LARS2: variants seen among roughly 807,000 people sequenced by gnomAD.
LARS2 encodes the protein leucine--tRNA ligase, mitochondrial.
In LARS2, 81 loss-of-function variants were observed where a neutral mutation model predicts 116.6. The observed-to-expected ratio is 0.69, with a 90% CI of 0.58 to 0.84. The LOEUF (loss-of-function observed/expected upper bound fraction) is 0.84, where lower values mean the gene tolerates loss of function less well. LARS2 is among the 40% of genes least tolerant of loss of function. The probability of loss-of-function intolerance (pLI) is 0.00; values close to 1 mark genes in which losing one functional copy is unlikely to be tolerated. For missense variants in LARS2, 968 were observed against 1,114.5 expected (o/e 0.87, Z 1.87); for synonymous variants, 396 against 407.2 (o/e 0.97, Z 0.33).
chr3:45,467,405 G>A (rs1424525423), intron 8 of LARS2, among the ~76,000 whole-genome samples: 2 of 152,142 alleles, frequency 1.3e-5, no homozygotes, highest in African/African-American at 2.4e-5. Flanking sequence ...TGTCAGATTT[G>A]CTCAAAATAG....
At chr3:45,427,106 C>CA (rs559437223) in intron 6 of LARS2, among the ~76,000 whole-genome samples, 1 of 152,120 alleles carries the variant, frequency 6.6e-6, no homozygotes, top group Non-Finnish European at 1.5e-5. Context: ...AATAAGGGTA[C>CA]AAAATCTCTC....
intron 16 of LARS2, among the ~76,000 whole-genome samples, chr3:45,514,453 G>C (rs892390053): frequency 6.6e-6 from 1 of 152,196 alleles, no homozygotes; most frequent in Non-Finnish European, 1.5e-5. Flanking sequence ...ATAACGGTCC[G>C]TGGGAGAAAA....
At chr3:45,542,436 T>C (rs1700812882) in intron 21 of LARS2, among the ~76,000 whole-genome samples, 2 of 152,188 alleles carry the variant, frequency 1.3e-5, no homozygotes, top group South Asian at 4.1e-4. Flanking sequence ...TAAGAGGAGT[T>C]TATCGTTTAA....
intron 3 of LARS2, among the ~76,000 whole-genome samples, chr3:45,395,901 G>A (rs1252927445): frequency 6.6e-6 from 1 of 152,206 alleles, no homozygotes; most frequent in Non-Finnish European, 1.5e-5. Flanking sequence ...ATTTTACAAT[G>A]AAAGCTTGAC....
Position 45,432,539 on chromosome 3 carries a change from A to T in LARS2, c.516+12810A>T, listed in dbSNP as rs192810225. ...GTGTAATTAAACAACACGCTCTTAA[A>T]CAACAAATGGATTAAAAAATCACAA... On this transcript the variant is annotated intron_variant, in intron 6 of 21. Coordinates refer to ENST00000645846, the MANE Select transcript of LARS2 (RefSeq NM_015340.4). Among the ~76,000 whole-genome samples, 85 of 152,266 alleles carry T rather than the reference A, an allele frequency of 5.6e-4. 1 individual carries two copies. Among genetic ancestry groups the T allele is most frequent in the African/African-American group, 1.9e-3 (81 of 41,580 alleles).
At chr3:45,427,201 C>T (rs762476379) in intron 6 of LARS2, among the ~76,000 whole-genome samples, 11 of 152,134 alleles carry the variant, frequency 7.2e-5, no homozygotes, top group South Asian at 2.1e-4. Flanking sequence ...TACAGTTATA[C>T]GGATACGATG....
chr3:45,481,352 G>A (rs1699698274), intron 10 of LARS2, among the ~76,000 whole-genome samples: 1 of 152,162 alleles, frequency 6.6e-6, no homozygotes, highest in Non-Finnish European at 1.5e-5. Context: ...TTGTGTGGAT[G>A]TATGTTTTTA....
intron 8 of LARS2, among the ~76,000 whole-genome samples, chr3:45,459,863 G>A (rs1699284603): frequency 6.6e-6 from 1 of 152,196 alleles, no homozygotes. Context: ...GACTACTTAT[G>A]GCATGTCATG....
intron 6 of LARS2, among the ~76,000 whole-genome samples, chr3:45,437,245 T>C (rs1035131936): frequency 2.6e-5 from 4 of 152,208 alleles, no homozygotes; most frequent in Admixed American, 2.6e-4. Flanking sequence ...ATGCACGCCC[T>C]GTAAAAAGTG....
At chr3:45,527,104 A>G (rs1379739209) in intron 20 of LARS2, among the ~76,000 whole-genome samples, 4 of 152,198 alleles carry the variant, frequency 2.6e-5, no homozygotes, top group African/African-American at 9.7e-5. Flanking sequence ...CTGCAATTCT[A>G]TCAGCATCCT....
intron 6 of LARS2, among the ~76,000 whole-genome samples, chr3:45,425,958 A>G (rs1209071507): frequency 1.5e-5 from 2 of 137,184 alleles, no homozygotes; most frequent in Admixed American, 8.0e-5. Flanking sequence ...GATTGGCTGC[A>G]CTTCTCTTAG....
chr3:45,545,960 G>GAAA (rs1168781892), intron 21 of LARS2, among the ~76,000 whole-genome samples: 27 of 127,986 alleles, frequency 2.1e-4, no homozygotes, highest in African/African-American at 7.2e-4. Context: ...TGTCCTTAAG[G>GAAA]AAAAAAAAAA....
In LARS2 at chr3:45,547,419, C is replaced by T. The variant is rs368937703; in HGVS notation, c.2601C>T (p.His867=). ...QQVARDQDKV[H]EFVLQSELGV... is the part of the protein sequence containing the mutation. ...TTGCCCGGGACCAGGACAAAGTCCA[C>T]GAATTTGTTCTTCAAAGCGAGCTGG... Residue 867 remains histidine (H), a synonymous_variant, in exon 22 of 22, where the codon CAC becomes CAT. Transcript: ENST00000645846. 4 of 1,613,822 alleles carry T rather than the reference C, an allele frequency of 2.5e-6. No homozygotes were observed. Among genetic ancestry groups the T allele is most frequent in the Non-Finnish European group, 2.5e-6 (3 of 1,179,926 alleles).
intron 15 of LARS2, among the ~76,000 whole-genome samples, chr3:45,506,674 G>A (rs559341001): frequency 2.6e-5 from 4 of 152,070 alleles, no homozygotes; most frequent in Admixed American, 2.6e-4. Context: ...ATGTTCAGTG[G>A]TGCCCCTGAT....
chr3:45,466,384 G>A lies in LARS2; in HGVS notation c.750+7498G>A, dbSNP rs116853455. Among the ~76,000 whole-genome samples the A allele has an allele frequency of 5.8e-3, 885 of 152,212 alleles. 21 individuals carry two copies. Among genetic ancestry groups the A allele is most frequent in the Admixed American group, 0.048 (730 of 15,296 alleles). ...AGAAACTTGAGAGAGCATTTAGCTCGGGTCTCTTTTTAATCCCTGCCCTGA... is the reference window on the plus strand; with the variant it reads ...AGAAACTTGAGAGAGCATTTAGCTCAGGTCTCTTTTTAATCCCTGCCCTGA... On this transcript the variant is annotated intron_variant, in intron 8 of 21. Transcript: ENST00000645846.
In LARS2 at chr3:45,427,745, T is replaced by G. The variant is rs576280410; in HGVS notation, c.516+8016T>G. ...TGGCTCAACATGTGTCCTCCTCCAG[T>G]CACAACTCTGTCTCTCCTCTCTATA... On this transcript the variant is annotated intron_variant, in intron 6 of 21. Transcript: ENST00000645846. Among the ~76,000 whole-genome samples, 21 of 152,186 alleles carry G rather than the reference T, an allele frequency of 1.4e-4. No homozygotes were observed. The East Asian group carries it at 3.9e-3, about 28-fold the overall frequency.
intron 13 of LARS2, among the ~76,000 whole-genome samples, chr3:45,492,410 C>T (rs1699936590): frequency 6.6e-6 from 1 of 152,242 alleles, no homozygotes; most frequent in Non-Finnish European, 1.5e-5. Context: ...AAACAAATAG[C>T]AGATACCAAG....
intron 4 of LARS2, among the ~76,000 whole-genome samples, chr3:45,410,999 T>C (rs1698321573): frequency 6.6e-6 from 1 of 152,216 alleles, no homozygotes; most frequent in South Asian, 2.1e-4. Context: ...GATTGGGATA[T>C]GTCCAGTCAG....
Position 45,476,483 on chromosome 3 carries a change from A to G in LARS2, c.874A>G (p.Thr292Ala). 6.2e-7 allele frequency: 1 copy of G among 1,614,202 alleles called. No individual in the cohort carries two copies. Among genetic ancestry groups the G allele is most frequent in the South Asian group, 1.1e-5 (1 of 91,084 alleles). ...DFTLKVHGQA[T>A]GEKLTAYTAT... ...CTATCACCAGGTTCATGGGCAAGCC[A>G]CGGGCGAAAAGCTGACTGCCTATAC... is the stretch of plus-strand genomic sequence containing the variant. The change falls in exon 10 of 22, where the codon ACG (threonine) becomes GCG (alanine). Residue 292 changes from threonine to alanine, a missense_variant. Transcript: ENST00000645846.
Sources: allele counts gnomAD v4.1 joint callset (sites outside exome capture counted in the v4.1 genomes callset), GRCh38; gene constraint gnomAD v4.1.1; transcripts MANE v1.5; gene names NCBI Gene and HGNC (gene_info 2026-07-23, HGNC 2026-07-21).